The following ECE1 variants were observed in gnomAD, a reference collection of about 807,000 sequenced individuals.
The protein encoded by ECE1 is endothelin-converting enzyme 1.
ECE1 carries 35 observed loss-of-function variants against 98.6 expected under a neutral mutation model. That is an observed-to-expected ratio of 0.35 (90% CI 0.27 to 0.47). The LOEUF is 0.47. ECE1 is among the 20% of genes least tolerant of loss of function. ECE1 has a pLI of 1.00. For missense variants in ECE1, 814 were observed against 1,025.3 expected, an observed-to-expected ratio of 0.79 and a Z score of 2.81; for synonymous variants, 394 against 407.1, an observed-to-expected ratio of 0.97 and a Z score of 0.39.
intron 4 of ECE1, chr1:21,266,573 G>A (rs2098234237): frequency 1.3e-5 from 2 of 152,188 alleles, no homozygotes; most frequent in South Asian, 4.1e-4. Flanking sequence ...CAGAGACAAG[G>A]AAAATGAGGC....
At chr1:21,241,821 C>T (rs1041322783) in intron 10 of ECE1, among the ~76,000 whole-genome samples, 1 of 151,880 alleles carries the variant, frequency 6.6e-6, no homozygotes, top group Non-Finnish European at 1.5e-5. Flanking sequence ...GGAAGTACTA[C>T]AGGATGGTGA....
intron 1 of ECE1, among the ~76,000 whole-genome samples, chr1:21,332,648 G>A (rs1333812999): frequency 1.2e-5 from 1 of 80,214 alleles, no homozygotes; most frequent in Non-Finnish European, 2.5e-5. Flanking sequence ...AAGGGGAGGG[G>A]AGGAAACAGG....
intron 1 of ECE1, among the ~76,000 whole-genome samples, chr1:21,313,363 G>A (rs145643290): frequency 6.6e-6 from 1 of 152,324 alleles, no homozygotes; most frequent in African/African-American, 2.4e-5. Flanking sequence ...CTTGCCTGGG[G>A]GGATGGAGGG....
chr1:21,218,165 G>C lies in ECE1; in HGVS notation c.*1790C>G, dbSNP rs542721874. ...ACACCACAGGCCAGACTGGGTGGAGGAATCTTCCCCTCACAATGTCCCCTG... is the reference window on the plus strand; with the variant it reads ...ACACCACAGGCCAGACTGGGTGGAGCAATCTTCCCCTCACAATGTCCCCTG... On this transcript the variant is annotated 3_prime_UTR_variant, in exon 19 of 19. Transcript: ENST00000374893. This position sits in a 1 kb window ranked among gnomAD's most constrained non-coding sequence, Gnocchi z 4.0. 14 of 152,444 alleles carry C rather than the reference G, an allele frequency of 9.2e-5. No individual in the cohort carries two copies. The highest frequency in any genetic ancestry group is 2.9e-4 in the African/African-American group (12 of 41,588). 9.4% of individuals were successfully genotyped at this position (152,444 alleles called of 1,614,324 possible). A position where few individuals can be genotyped will look rare whatever the true frequency, so the allele number is the denominator to read the frequency against.
At position 21,258,344 on chromosome 1, in the gene ECE1, G is replaced by C. The variant is rs1006797890; in HGVS notation, c.762+349C>G. Among the ~76,000 whole-genome samples the C allele has an allele frequency of 2.6e-5, 4 of 152,222 alleles. No individual in the cohort carries two copies. The highest frequency in any genetic ancestry group is 5.9e-5 in the Non-Finnish European group (4 of 68,042). On this transcript the variant is annotated intron_variant, in intron 6 of 18. Coordinates refer to ENST00000374893, the MANE Select transcript of ECE1 (RefSeq NM_001397.3). The surrounding 1 kb of genome is among the most constrained non-coding windows in gnomAD (Gnocchi z 4.2). Reference sequence around the variant, plus strand: ...CCTCTGTCTGGGGCATGCTCTGACAGGGAGAGATGGATTCAAACCCATTCC... The same window carrying C: ...CCTCTGTCTGGGGCATGCTCTGACACGGAGAGATGGATTCAAACCCATTCC...
intron 1 of ECE1, chr1:21,299,627 G>A (rs1365040497): frequency 6.6e-6 from 1 of 152,228 alleles, no homozygotes; most frequent in Admixed American, 6.5e-5. Context: ...ACGGCTGAGG[G>A]TGTGGACTTG....
In ECE1 at chr1:21,345,160, C is replaced by G; in HGVS notation, c.3+216G>C. On this transcript the variant is annotated intron_variant, in intron 1 of 18. Transcript: ENST00000415912. The surrounding 1 kb of genome is among the most constrained non-coding windows in gnomAD (Gnocchi z 5.1). ...CCAGAACCAAGCTCGGCGCGGCCGC[C>G]CCCGACGGGACCAAGCGCAGCGCCG... is the stretch of plus-strand genomic sequence containing the variant. The G allele has an allele frequency of 2.0e-6, 1 of 502,116 alleles. No homozygotes were observed. 31.1% of individuals were successfully genotyped at this position (502,116 alleles called of 1,614,324 possible). A position where few individuals can be genotyped will look rare whatever the true frequency, so the allele number is the denominator to read the frequency against.
rs1573920695 is a variant in ECE1 at position 21,219,844 on chromosome 1, G to A, written c.*111C>T. On this transcript the variant is annotated 3_prime_UTR_variant, in exon 19 of 19. Transcript: ENST00000374893. This position sits in a 1 kb window ranked among gnomAD's most constrained non-coding sequence, Gnocchi z 4.5. ...TCCGGCTGAAAACCCGCCAGTGTGA[G>A]GAAGCAGGGCCCCGGGTGGCCAAGC... The A allele has an allele frequency of 1.4e-6, 2 of 1,422,064 alleles. No individual in the cohort carries two copies. Among genetic ancestry groups the A allele is most frequent in the Non-Finnish European group, 1.9e-6 (2 of 1,029,236 alleles). The allele number at this position is 1,422,064 out of a possible 1,614,324, so 88.1% of individuals were successfully genotyped here.
chr1:21,308,709 C>T (rs1373107909), intron 1 of ECE1, among the ~76,000 whole-genome samples: 1 of 151,692 alleles, frequency 6.6e-6, no homozygotes, highest in East Asian at 1.9e-4. Context: ...AGACGGTGAA[C>T]AGCCTTTGTG....
chr1:21,317,725 T>C (rs549255432), intron 1 of ECE1, among the ~76,000 whole-genome samples: 5 of 152,332 alleles, frequency 3.3e-5, no homozygotes, highest in African/African-American at 1.2e-4. Flanking sequence ...CCTGAGCCCC[T>C]GCTCCCCAAC....
intron 1 of ECE1, among the ~76,000 whole-genome samples, chr1:21,342,580 TCACACAGA>T (rs1340766470): frequency 1.4e-4 from 20 of 145,668 alleles, no homozygotes; most frequent in East Asian, 1.0e-3. Flanking sequence ...AGGAAACACA[TCACACAGA>T]CACACAGACA....
intron 4 of ECE1, among the ~76,000 whole-genome samples, chr1:21,264,322 T>C (rs1266210040): frequency 1.6e-4 from 3 of 19,302 alleles, no homozygotes; most frequent in Admixed American, 9.7e-4. Context: ...CCCCCCCCCT[T>C]TTTTTTTTTT....
intron 4 of ECE1, among the ~76,000 whole-genome samples, chr1:21,262,822 C>T (rs1421161846): frequency 1.3e-5 from 2 of 152,236 alleles, no homozygotes; most frequent in Admixed American, 6.5e-5. Flanking sequence ...ATTCCTTTGG[C>T]CCCCACCACC....
In ECE1 at chr1:21,314,109, T is replaced by C. The variant is rs1638782974; in HGVS notation, c.4-23953A>G. On this transcript the variant is annotated intron_variant, in intron 1 of 18. Coordinates refer to the ECE1 transcript ENST00000415912. Reference sequence around the variant, plus strand: ...TTTACGTGTGTTTTCTAATTAACCATAACAGCAACCCCACGTGAAAGATGT... The same window carrying C: ...TTTACGTGTGTTTTCTAATTAACCACAACAGCAACCCCACGTGAAAGATGT... Among the ~76,000 whole-genome samples the C allele has an allele frequency of 2.6e-5, 4 of 152,322 alleles. No homozygotes were observed. The South Asian group carries it at 8.3e-4, about 32-fold the overall frequency.
intron 1 of ECE1, among the ~76,000 whole-genome samples, chr1:21,335,189 G>A (rs1266103343): frequency 1.3e-5 from 2 of 151,108 alleles, no homozygotes; most frequent in Non-Finnish European, 2.9e-5. Context: ...GTCTTTGCCC[G>A]GCTGCCCCCT....
At chr1:21,291,971 T>A (rs530621769), upstream of ECE1, among the ~76,000 whole-genome samples, 11 of 147,802 alleles carry the variant, frequency 7.4e-5, no homozygotes, top group East Asian at 7.8e-4. Flanking sequence ...AAAAAGAAAA[T>A]ATATATATAT....
chr1:21,269,635 T>C (rs921120167), intron 4 of ECE1, among the ~76,000 whole-genome samples: 12 of 152,228 alleles, frequency 7.9e-5, no homozygotes, highest in South Asian at 2.1e-4. Flanking sequence ...GACGAGCACC[T>C]ACTAGGTGCC....
At chr1:21,337,026 A>G (rs1025221824) in intron 1 of ECE1, among the ~76,000 whole-genome samples, 3 of 152,162 alleles carry the variant, frequency 2.0e-5, no homozygotes, top group African/African-American at 7.2e-5. Context: ...AACAAGAGTG[A>G]AAGTCCATCT....
At chr1:21,228,650 G>A (rs533691062) in intron 14 of ECE1, among the ~76,000 whole-genome samples, 13 of 151,834 alleles carry the variant, frequency 8.6e-5, no homozygotes, top group Admixed American at 1.3e-4. Context: ...TTAGCCAGGC[G>A]TGGTGGCGCA....
Sources: allele counts gnomAD v4.1 joint callset (sites outside exome capture counted in the v4.1 genomes callset), GRCh38; gene constraint gnomAD v4.1.1; non-coding constraint Gnocchi (gnomAD v3.1); transcripts MANE v1.5; gene names NCBI Gene and HGNC (gene_info 2026-07-23, HGNC 2026-07-21).